WNK2: variants seen among roughly 807,000 people sequenced by gnomAD.
The protein encoded by WNK2 is serine/threonine-protein kinase WNK2.
In WNK2, 67 loss-of-function variants were observed where a neutral mutation model predicts 192.1. That is an observed-to-expected ratio of 0.35 (90% CI 0.29 to 0.43). The LOEUF (loss-of-function observed/expected upper bound fraction) is 0.43, where lower values mean the gene tolerates loss of function less well. WNK2 is among the 20% of genes least tolerant of loss of function. The pLI, the probability that WNK2 is intolerant of heterozygous loss-of-function variation, is 1.00. For synonymous variants in WNK2, 1,439 were observed against 1,393.9 expected (o/e 1.03, Z -0.72); for missense variants, 2,698 against 3,089.7 (o/e 0.87, Z 3.01).
chr9:93,303,403 T>A (rs1588579467), intron 26 of WNK2, among the ~76,000 whole-genome samples: 1 of 152,216 alleles, frequency 6.6e-6, no homozygotes, highest in Non-Finnish European at 1.5e-5. Flanking sequence ...CACGCTGGTA[T>A]CTCTTTGGGT....
At chr9:93,308,970 G>T (rs1251830217) in intron 28 of WNK2, 1 of 1,057,388 alleles carries the variant, frequency 9.5e-7, no homozygotes, top group Non-Finnish European at 1.1e-6. Flanking sequence ...ACCAGGGCAG[G>T]TGTGCATGTC....
At chr9:93,256,159 C>A in intron 9 of WNK2, 140 bp from the exon 10 acceptor site, 1 of 1,070,610 alleles carries the variant, frequency 9.3e-7, no homozygotes, top group Non-Finnish European at 1.3e-6. Flanking sequence ...TCCCTCACTG[C>A]TTCTGCTGTC....
At position 93,298,302 on chromosome 9, in the gene WNK2, C is replaced by T. The variant is rs1000618609; in HGVS notation, c.5923+235C>T. ...CCGTGAGTGGGCAGGGGCTGCTCAGCGTTGGGCCTGAGACTCTAGGCTGTG... is the reference window on the plus strand; with the variant it reads ...CCGTGAGTGGGCAGGGGCTGCTCAGTGTTGGGCCTGAGACTCTAGGCTGTG... On this transcript the variant is annotated intron_variant, in intron 24 of 29. Coordinates refer to ENST00000427277, the MANE Select transcript of WNK2 (RefSeq NM_006648.4). 2.6e-5 allele frequency among the ~76,000 whole-genome samples: 4 copies of T among 152,366 alleles called. No homozygotes were observed. The South Asian group carries it at 8.3e-4, about 32-fold the overall frequency.
intron 16 of WNK2, among the ~76,000 whole-genome samples, chr9:93,266,825 A>C (rs1845242998): frequency 6.6e-6 from 1 of 152,014 alleles, no homozygotes; most frequent in Admixed American, 6.5e-5. Context: ...CTGAGACCAC[A>C]GATGCCCCAG....
intron 29 of WNK2, 33 bp from the exon 30 acceptor site, chr9:93,320,334 G>A (rs1855304848): frequency 7.3e-7 from 1 of 1,367,288 alleles, no homozygotes. Flanking sequence ...ACTGCGGTGG[G>A]CCCACAGTCA....
intron 8 of WNK2, among the ~76,000 whole-genome samples, chr9:93,248,589 C>T (rs776353803): frequency 5.0e-4 from 76 of 152,162 alleles, no homozygotes; most frequent in Non-Finnish European, 6.0e-4. Flanking sequence ...GTGGTGTTGC[C>T]GTGGGGACCT....
intron 26 of WNK2, among the ~76,000 whole-genome samples, chr9:93,306,147 G>T (rs1356134176): frequency 6.6e-6 from 1 of 152,192 alleles, no homozygotes; most frequent in Non-Finnish European, 1.5e-5. Flanking sequence ...ACCCCTTGTG[G>T]ATACTGACTT....
chr9:93,199,917 C>T (rs1265102454), intron 2 of WNK2, among the ~76,000 whole-genome samples: 1 of 79,064 alleles, frequency 1.3e-5, no homozygotes, highest in Non-Finnish European at 3.2e-5. Flanking sequence ...AAAAAGAAAA[C>T]ACAAAGCTGT....
rs188406023 is a variant in WNK2, at chr9:93,318,137, C to T, written c.6628+506C>T. 3.3e-5 allele frequency: 50 copies of T among 1,528,330 alleles called. No homozygotes were observed. In the African/African-American group the frequency reaches 4.4e-4, roughly 14 times the overall value. 94.7% of individuals were successfully genotyped at this position (1,528,330 alleles called of 1,614,324 possible). Reference sequence around the variant, plus strand: ...ACAGTGCCTTGAATGCCAGCTTTTCCGTTCCCTGATGAAAAGATATGTTAA... The same window carrying T: ...ACAGTGCCTTGAATGCCAGCTTTTCTGTTCCCTGATGAAAAGATATGTTAA... On this transcript the variant is annotated intron_variant, in intron 29 of 29. Transcript: ENST00000427277.
At chr9:93,256,878 G>A (rs1400045659) in intron 10 of WNK2, 70 bp from the exon 11 acceptor site, 3 of 1,402,272 alleles carry the variant, frequency 2.1e-6, no homozygotes, top group Non-Finnish European at 2.9e-6. Context: ...ATCCTGTCAT[G>A]TGTAACCAGT....
chr9:93,197,097 AT>A (rs1831403615), intron 2 of WNK2, among the ~76,000 whole-genome samples: 1 of 152,120 alleles, frequency 6.6e-6, no homozygotes, highest in Non-Finnish European at 1.5e-5. Flanking sequence ...TAGCCCCAAC[AT>A]TTTATTTTGG....
Position 93,268,020 on chromosome 9 carries a change from G to C in WNK2, c.3868G>C (p.Glu1290Gln), listed in dbSNP as rs1845446955. 3 of 1,611,758 alleles carry C rather than the reference G, an allele frequency of 1.9e-6. No individual in the cohort carries two copies. Among genetic ancestry groups the C allele is most frequent in the Admixed American group, 1.7e-5 (1 of 59,794 alleles). ...ATTTCTGACCCTCCACCTCATTCAG[G>C]AGAGCCGACAATCCCAAGCCAACGC... ...LSTCGLGTGE[E>Q]SRQSQANAPV... The change falls in exon 18 of 30, where the codon GAG becomes CAG. Residue 1290 changes from glutamate to glutamine, a missense_variant and splice_region_variant. By Grantham distance (29) the Glu-to-Gln change is conservative (BLOSUM62 2). Transcript: ENST00000427277.
chr9:93,202,304 C>T (rs997005045), intron 2 of WNK2, among the ~76,000 whole-genome samples: 1 of 150,680 alleles, frequency 6.6e-6, no homozygotes, highest in Non-Finnish European at 1.5e-5. Context: ...TTCTCAGGGC[C>T]TCTGCTGGGC....
chr9:93,315,637 T>G (rs1588659558), intron 28 of WNK2: 1 of 152,346 alleles, frequency 6.6e-6, no homozygotes, highest in African/African-American at 2.4e-5. Context: ...AACTGAAGTC[T>G]TCTCCTTCTT....
chr9:93,304,812 C>T (rs987667091), intron 26 of WNK2, among the ~76,000 whole-genome samples: 20 of 152,138 alleles, frequency 1.3e-4, no homozygotes, highest in African/African-American at 4.6e-4. Flanking sequence ...CAGTGAGTGG[C>T]GTCCGACAGC....
chr9:93,273,449 C>T lies in WNK2; in HGVS notation c.4033+4703C>T, dbSNP rs115261112. On this transcript the variant is annotated intron_variant, in intron 19 of 29. Coordinates refer to ENST00000427277, the MANE Select transcript of WNK2 (RefSeq NM_006648.4). The stretch of plus-strand genomic sequence containing the variant: ...GATTACAGGCGTGAGCCACTGTGCC[C>T]GGCTGACATTACGTATTTATAAAGA... 2.2e-3 allele frequency among the ~76,000 whole-genome samples: 335 copies of T among 152,316 alleles called. 1 individual carries two copies. The highest frequency in any genetic ancestry group is 7.6e-3 in the African/African-American group (315 of 41,560).
At position 93,288,908 on chromosome 9, in the gene WNK2, C is replaced by A. The variant is rs760545874; in HGVS notation, c.4154C>A (p.Ala1385Asp). 5 of 1,606,404 alleles carry A rather than the reference C, an allele frequency of 3.1e-6. No individual in the cohort carries two copies. Among genetic ancestry groups the A allele is most frequent in the Non-Finnish European group, 4.2e-6 (5 of 1,176,984 alleles). ...CCTGGGGCACCCCCAGCCCCTTTGG[C>A]CCCCTCCTCCCCTCCTGTGACTGCT... ...NPPGAPPAPL[A>D]PSSPPVTALP... The change falls in exon 20 of 30, where the codon GCC becomes GAC. Residue 1385 changes from alanine to aspartate, a missense_variant. Ala to Asp is a moderately radical substitution (Grantham distance 126, BLOSUM62 -2). Around this residue, in one of 7 missense-constraint regions of WNK2, gnomAD observed 1,098 missense variants for 1,101.0 expected, o/e 1.00. Coordinates refer to ENST00000427277, the MANE Select transcript of WNK2 (RefSeq NM_006648.4).
chr9:93,267,609 C>G, intron 16 of WNK2, 137 bp from the exon 17 acceptor site: 8 of 1,029,622 alleles, frequency 7.8e-6, no homozygotes, highest in Non-Finnish European at 9.7e-6. Context: ...CTGTCCAGCC[C>G]CTGTCTTGGG....
chr9:93,267,877 C>T lies in WNK2; in HGVS notation c.3828C>T (p.Ser1276=), dbSNP rs1322786288. 1.2e-6 allele frequency: 2 copies of T among 1,612,086 alleles called. No homozygotes were observed. The highest frequency in any genetic ancestry group is 4.5e-5 in the East Asian group (2 of 44,828). ...DADRGSDPGT[S]PPHLSTCGLG... ...ACCGTGGCTCCGACCCAGGGACCAG[C>T]CCGCCACACCTCAGCACCTGCGGCC... Residue 1276 remains serine (S), a synonymous_variant, in exon 17 of 30, where the codon AGC becomes AGT. Coordinates refer to ENST00000427277, the MANE Select transcript of WNK2 (RefSeq NM_006648.4).
Sources: gnomAD v4.1 joint callset for allele counts (sites outside exome capture counted in the v4.1 genomes callset) on GRCh38, gnomAD v4.1.1 for gene constraint, gnomAD v4.1.1 regional missense constraint, MANE v1.5 for transcripts, NCBI Gene and HGNC (gene_info 2026-07-23, HGNC 2026-07-21) for gene names.